The following GRHL1 variants were observed in gnomAD, a reference collection of about 807,000 sequenced individuals.
GRHL1 encodes the protein grainyhead like transcription factor 1.
Under a neutral mutation model 75.7 loss-of-function variants are expected in GRHL1, and 38 were observed. The observed-to-expected ratio is 0.50, with a 90% CI of 0.39 to 0.66. The LOEUF (loss-of-function observed/expected upper bound fraction) is 0.66. Among genes scored for constraint, GRHL1 ranks in the 30% least tolerant of loss-of-function variants. The pLI is 0.00. For missense variants in GRHL1, 589 were observed against 767.5 expected (o/e 0.77, Z 2.75); for synonymous variants, 266 against 279.4 (o/e 0.95, Z 0.48).
intron 3 of GRHL1, chr2:9,959,381 T>A (rs908370694): frequency 6.6e-6 from 1 of 152,634 alleles, no homozygotes; most frequent in Non-Finnish European, 1.5e-5. Context: ...TTATTATCAA[T>A]CAAGGAATGA....
In GRHL1 at chr2:9,977,179, A is replaced by G. The variant is rs1667984171; in HGVS notation, c.1111-8945A>G. Among the ~76,000 whole-genome samples the G allele has an allele frequency of 2.0e-5, 3 of 152,318 alleles. 1 individual carries two copies. In the South Asian group the frequency reaches 6.2e-4, roughly 32 times the overall value. On this transcript the variant is annotated intron_variant, in intron 8 of 15. Transcript: ENST00000324907. Reference sequence around the variant, plus strand: ...TTATTTGGTGGGGGCACTGTTATGTATTTATAAGTTTTATGAGGATTTGAA... The same window carrying G: ...TTATTTGGTGGGGGCACTGTTATGTGTTTATAAGTTTTATGAGGATTTGAA...
chr2:9,960,914 G>A, intron 3 of GRHL1, 132 bp from the exon 4 acceptor site: 1 of 650,098 alleles, frequency 1.5e-6, no homozygotes, highest in Non-Finnish European at 2.6e-6. Context: ...GTAATGGGTA[G>A]TTTTGATGTT....
At chr2:9,952,895 C>G (rs1025552720) in intron 1 of GRHL1, 4 of 407,764 alleles carry the variant, frequency 9.8e-6, no homozygotes, top group African/African-American at 8.3e-5. Flanking sequence ...ATGGATTACT[C>G]TTATGTTGTA....
intron 8 of GRHL1, among the ~76,000 whole-genome samples, chr2:9,984,895 CT>C (rs1668351642): frequency 7.4e-6 from 1 of 135,972 alleles, no homozygotes; most frequent in Non-Finnish European, 1.6e-5. Flanking sequence ...AACCCTGTCT[CT>C]AAAAAAAAAA....
At chr2:9,956,147 A>G (rs535649330) in intron 2 of GRHL1, among the ~76,000 whole-genome samples, 1 of 152,372 alleles carries the variant, frequency 6.6e-6, no homozygotes, top group Middle Eastern at 3.4e-3. Context: ...TCAAACCTGC[A>G]TAAAACTTAA....
At position 9,951,720 on chromosome 2, in the gene GRHL1, C is replaced by A; in HGVS notation, c.-114C>A. The A allele has an allele frequency of 1.0e-6, 1 of 995,512 alleles. No individual in the cohort carries two copies. The highest frequency in any genetic ancestry group is 1.5e-5 in the South Asian group (1 of 68,374). 61.7% of individuals were successfully genotyped at this position (995,512 alleles called of 1,614,324 possible). A position where few individuals can be genotyped will look rare whatever the true frequency, so the allele number is the denominator to read the frequency against. ...AGCGAGAAAAGCAAACCCAACCCGTCGGGGCCGCCGCTCCGGACCCGCAGC... is the reference window on the plus strand; with the variant it reads ...AGCGAGAAAAGCAAACCCAACCCGTAGGGGCCGCCGCTCCGGACCCGCAGC... On this transcript the variant is annotated 5_prime_UTR_variant, in exon 1 of 16. Coordinates refer to ENST00000324907, the MANE Select transcript of GRHL1 (RefSeq NM_198182.3). This position sits in a 1 kb window ranked among gnomAD's most constrained non-coding sequence, Gnocchi z 4.2.
At chr2:9,952,276 G>A (rs1158660654) in intron 1 of GRHL1, among the ~76,000 whole-genome samples, 1 of 152,184 alleles carries the variant, frequency 6.6e-6, no homozygotes, top group African/African-American at 2.4e-5. Context: ...CGCCGCGTCG[G>A]GACAGGTGGA....
At chr2:9,998,449 TA>T (rs1558319474) in intron 14 of GRHL1, among the ~76,000 whole-genome samples, 3 of 79,852 alleles carry the variant, frequency 3.8e-5, no homozygotes, top group African/African-American at 1.7e-4. Flanking sequence ...TGTGTGTGTG[TA>T]TATATATACA....
chr2:9,995,734 A>AT, intron 12 of GRHL1, 145 bp from the exon 13 acceptor site: 1 of 635,576 alleles, frequency 1.6e-6, no homozygotes, highest in Non-Finnish European at 2.8e-6. Context: ...CTTTAGCCTG[A>AT]TTTTTCATCC....
chr2:9,963,056 G>A lies in GRHL1; in HGVS notation c.746+525G>A, dbSNP rs566737126. 7.9e-5 allele frequency among the ~76,000 whole-genome samples: 12 copies of A among 152,178 alleles called. No individual in the cohort carries two copies. In the South Asian group the frequency reaches 1.7e-3, roughly 21 times the overall value. Reference sequence around the variant, plus strand: ...TAGGAACTCATATTTTGTTTTATGTGTTTTTTACATGTGTTATATTTTACA... The same window carrying A: ...TAGGAACTCATATTTTGTTTTATGTATTTTTTACATGTGTTATATTTTACA... On this transcript the variant is annotated intron_variant, in intron 5 of 15. Transcript: ENST00000324907.
chr2:9,975,326 TAAAA>T (rs1227968287), intron 8 of GRHL1, among the ~76,000 whole-genome samples: 2 of 152,194 alleles, frequency 1.3e-5, no homozygotes, highest in Non-Finnish European at 2.9e-5. Context: ...AATTGAAAAC[TAAAA>T]GTGAATACAC....
rs1251905345 is a variant in GRHL1, at chr2:9,987,899, T to A, written c.1269+1617T>A. ...TTTTGGCAGGGGACGGGGGCAGTTC[T>A]TTTCATCCTATTAAGGGAGCTTGTC... On this transcript the variant is annotated intron_variant, in intron 9 of 15. Transcript: ENST00000324907. The surrounding 1 kb of genome is among the most constrained non-coding windows in gnomAD (Gnocchi z 4.2). Among the ~76,000 whole-genome samples the A allele has an allele frequency of 1.3e-5, 2 of 152,186 alleles. No individual in the cohort carries two copies. Among genetic ancestry groups the A allele is most frequent in the Non-Finnish European group, 2.9e-5 (2 of 68,036 alleles).
intron 2 of GRHL1, 84 bp from the exon 3 acceptor site, chr2:9,958,702 A>C: frequency 1.0e-6 from 1 of 998,436 alleles, no homozygotes; most frequent in South Asian, 1.4e-5. Context: ...GATTGAATTT[A>C]CTGAAAAATA....
At chr2:9,988,015 A>T (rs1668496155) in intron 9 of GRHL1, among the ~76,000 whole-genome samples, 1 of 152,194 alleles carries the variant, frequency 6.6e-6, no homozygotes, top group South Asian at 2.1e-4. Context: ...CATCAGGTAC[A>T]CAAAGCACAG....
intron 8 of GRHL1, among the ~76,000 whole-genome samples, chr2:9,981,269 G>A (rs560362836): frequency 3.0e-4 from 45 of 152,354 alleles, no homozygotes; most frequent in African/African-American, 9.9e-4. Context: ...ATGAGTGTGG[G>A]CTGGGCTGAT....
intron 1 of GRHL1, among the ~76,000 whole-genome samples, chr2:9,954,251 A>C (rs1020158946): frequency 1.3e-5 from 2 of 152,100 alleles, no homozygotes; most frequent in African/African-American, 2.4e-5. Context: ...TTAAGTGTTT[A>C]TCTCTAAGAT....
intron 2 of GRHL1, 69 bp from the exon 3 acceptor site, chr2:9,958,717 G>C (rs867457481): frequency 8.7e-7 from 1 of 1,152,564 alleles, no homozygotes; most frequent in Non-Finnish European, 1.3e-6. Context: ...AAAATAAAAG[G>C]CTGTATCTTT....
chr2:9,967,806 A>G (rs575138128), intron 8 of GRHL1, among the ~76,000 whole-genome samples: 1 of 150,692 alleles, frequency 6.6e-6, no homozygotes, highest in South Asian at 2.1e-4. Flanking sequence ...TTTTTTTTTT[A>G]CTGTTTTCTG....
intron 1 of GRHL1, chr2:9,953,076 C>A: frequency 2.2e-6 from 1 of 456,746 alleles, no homozygotes; most frequent in South Asian, 1.5e-5. Flanking sequence ...GTGTTTATTT[C>A]TTGACGTATA....
Sources: allele counts gnomAD v4.1 joint callset (sites outside exome capture counted in the v4.1 genomes callset), GRCh38; gene constraint gnomAD v4.1.1; non-coding constraint Gnocchi (gnomAD v3.1); transcripts MANE v1.5; gene names NCBI Gene and HGNC (gene_info 2026-07-23, HGNC 2026-07-21).